SP110: variants seen among roughly 807,000 people sequenced by gnomAD.
SP110 encodes the protein interferon-induced protein 41, 30kD.
SP110 carries 62 observed loss-of-function variants against 92.7 expected under a neutral mutation model. The ratio of observed to expected loss-of-function variants is 0.67; its 90% CI spans 0.55 to 0.83. SP110 has a LOEUF of 0.83. Among genes scored for constraint, SP110 ranks in the 40% least tolerant of loss-of-function variants. SP110 has a pLI of 0.00. For missense variants in SP110, 793 were observed against 863.9 expected (o/e 0.92, Z 1.03); for synonymous variants, 273 against 305.3 (o/e 0.89, Z 1.10).
At chr2:230,172,264 A>G in intron 15 of SP110, 90 bp from the exon 16 acceptor site, 1 of 870,192 alleles carries the variant, frequency 1.1e-6, no homozygotes, top group Non-Finnish European at 2.0e-6. Context: ...CTCAGGAAGG[A>G]TGGGCTCAGC....
intron 10 of SP110, among the ~76,000 whole-genome samples, chr2:230,197,565 A>G (rs1448717636): frequency 6.1e-5 from 9 of 147,916 alleles, no homozygotes; most frequent in African/African-American, 2.2e-4. Context: ...CCATTTGTCA[A>G]TTTTGTCTTT....
rs753387141 is a variant in SP110, at chr2:230,167,272, GATTTT to G, written c.*1847_*1851del. 2 of 84,268 alleles carry G rather than the reference GATTTT, an allele frequency of 2.4e-5. No homozygotes were observed. The highest frequency in any genetic ancestry group is 8.8e-5 in the African/African-American group (2 of 22,736). The allele number at this position is 84,268 out of a possible 1,614,324, so 5.2% of individuals were successfully genotyped here. ...GCCACCTTGCCCAGCTAATTAAAAA[GATTTT>G]TTTTTTTTTTTTTTTGTAGAGATGA... is the stretch of plus-strand genomic sequence containing the variant. On this transcript the variant is annotated 3_prime_UTR_variant, in exon 19 of 19. Transcript: ENST00000258381.
At chr2:230,221,716 C>CCCCATCACCTGGAAAGCCCCTT (rs2045837999), upstream of SP110, 1 of 1,536,038 alleles carries the variant, frequency 6.5e-7, no homozygotes, top group African/African-American at 1.4e-5. Context: ...TGAAGCCCCT[C>CCCCATCACCTGGAAAGCCCCTT]CCCATCACCT....
chr2:230,216,527 G>C (rs200101397), intron 2 of SP110, among the ~76,000 whole-genome samples: 1 of 152,166 alleles, frequency 6.6e-6, no homozygotes, highest in South Asian at 2.1e-4. Flanking sequence ...CTCCACACCT[G>C]AGAGAATATA....
intron 14 of SP110, 145 bp from the exon 15 acceptor site, chr2:230,173,104 C>T (rs1345407882): frequency 1.5e-6 from 1 of 666,180 alleles, no homozygotes; most frequent in East Asian, 2.9e-5. Flanking sequence ...GATGCCACCT[C>T]CCTGGGGGAA....
At chr2:230,188,351 C>G (rs1415046207) in intron 10 of SP110, among the ~76,000 whole-genome samples, 1 of 152,112 alleles carries the variant, frequency 6.6e-6, no homozygotes, top group African/African-American at 2.4e-5. Flanking sequence ...TAACCTGAGA[C>G]TTTACTGGAT....
rs928883542 is a variant in SP110, at chr2:230,209,030, A to T, written c.829+901T>A. 3.9e-5 allele frequency among the ~76,000 whole-genome samples: 6 copies of T among 152,352 alleles called. No individual in the cohort carries two copies. In the South Asian group the frequency reaches 1.2e-3, roughly 32 times the overall value. The stretch of plus-strand genomic sequence containing the variant: ...AGGTTGAAGGACAACTTCAGAGGAA[A>T]CAACAAATAAATAAGCACAGAAAAA... On this transcript the variant is annotated intron_variant, in intron 7 of 18. Coordinates refer to ENST00000258381, the MANE Select transcript of SP110 (RefSeq NM_080424.4).
intron 12 of SP110, among the ~76,000 whole-genome samples, chr2:230,181,334 G>C (rs1258014259): frequency 6.6e-6 from 1 of 152,194 alleles, no homozygotes; most frequent in Middle Eastern, 3.2e-3. Context: ...GTGAGGCATG[G>C]GGAGCTGGAC....
In SP110 at chr2:230,168,135, AAAAAGT is replaced by A. The variant is rs1315268476; in HGVS notation, c.*983_*988del. 6.7e-5 allele frequency: 10 copies of A among 150,166 alleles called. No homozygotes were observed. The highest frequency in any genetic ancestry group is 2.0e-4 in the African/African-American group (8 of 40,978). The allele number at this position is 150,166 out of a possible 1,614,324, so 9.3% of individuals were successfully genotyped here. A position where few individuals can be genotyped will look rare whatever the true frequency, so the allele number is the denominator to read the frequency against. The stretch of plus-strand genomic sequence containing the variant: ...AAAAAAAAAAAAAAAAAAAAAAAAG[AAAAAGT>A]GGGCAACTCAAGCATCAATAAAGGT... On this transcript the variant is annotated 3_prime_UTR_variant, in exon 19 of 19. Transcript: ENST00000258381.
upstream of SP110, among the ~76,000 whole-genome samples, chr2:230,221,116 A>C (rs1220531639): frequency 6.6e-6 from 1 of 151,970 alleles, no homozygotes; most frequent in African/African-American, 2.4e-5. Context: ...CCCCATCTCT[A>C]CTAAAAATAC....
intron 10 of SP110, among the ~76,000 whole-genome samples, chr2:230,189,129 A>G (rs1484901921): frequency 6.6e-6 from 1 of 151,696 alleles, no homozygotes; most frequent in Non-Finnish European, 1.5e-5. Flanking sequence ...TGTTCTATCA[A>G]TTTTGTTTAT....
chr2:230,186,044 A>C lies in SP110; in HGVS notation c.1229T>G (p.Met410Arg), dbSNP rs745495326. Residue 410 changes from methionine (M) to arginine (R), a missense_variant, in exon 11 of 19, where the codon ATG (methionine) becomes AGG (arginine). By Grantham distance (91) the Met-to-Arg change is moderately conservative. Transcript: ENST00000258381. ...DDSTWNSEVMMRVQKARTKCA... is the reference protein window; with the variant it reads ...DDSTWNSEVMRRVQKARTKCA... ...TTTAGTTCTTGCCTTTTGGACCCTC[A>C]TCATGACCTCTGAGTTCCAGGTTGA... 2 of 1,613,962 alleles carry C rather than the reference A, an allele frequency of 1.2e-6. No individual in the cohort carries two copies. The highest frequency in any genetic ancestry group is 1.1e-5 in the South Asian group (1 of 91,082).
At chr2:230,185,637 A>G (rs1032328263) in intron 11 of SP110, among the ~76,000 whole-genome samples, 10 of 152,202 alleles carry the variant, frequency 6.6e-5, no homozygotes, top group African/African-American at 2.4e-4. Context: ...CAATCCTGCA[A>G]ATGTGTCCAC....
intron 1 of SP110, 76 bp downstream of exon 1, chr2:230,219,798 G>A: frequency 2.2e-6 from 1 of 447,052 alleles, no homozygotes; most frequent in South Asian, 9.4e-5. Context: ...CCACCCTGCA[G>A]CTGCTGCCGC....
At chr2:230,198,142 C>T (rs2042965303) in intron 10 of SP110, among the ~76,000 whole-genome samples, 1 of 152,224 alleles carries the variant, frequency 6.6e-6, no homozygotes, top group Non-Finnish European at 1.5e-5. Flanking sequence ...TCTGTAGGGC[C>T]CTCCAGGGCT....
chr2:230,212,253 C>T, intron 5 of SP110, 94 bp downstream of exon 5: 1 of 925,802 alleles, frequency 1.1e-6, no homozygotes, highest in Non-Finnish European at 1.8e-6. Context: ...GTTCTTTTTC[C>T]CAGGGTTCCC....
At chr2:230,215,249 T>C (rs2044980541) in intron 2 of SP110, 131 bp from the exon 3 acceptor site, 2 of 747,298 alleles carry the variant, frequency 2.7e-6, no homozygotes, top group Admixed American at 5.1e-5. Context: ...AAATATATAG[T>C]CACATTCTCT....
intron 4 of SP110, 46 bp downstream of exon 4, chr2:230,212,715 C>T (rs759640629): frequency 1.2e-6 from 2 of 1,611,976 alleles, no homozygotes; most frequent in African/African-American, 1.3e-5. Context: ...GGCACAGGCA[C>T]CTTAGGCTGA....
intron 1 of SP110, among the ~76,000 whole-genome samples, chr2:230,225,222 C>T (rs960128764): frequency 2.6e-5 from 4 of 152,200 alleles, no homozygotes; most frequent in African/African-American, 7.2e-5. Context: ...AATTGCACCT[C>T]ATTTCTCTGC....
Sources: gnomAD v4.1 joint callset for allele counts (sites outside exome capture counted in the v4.1 genomes callset) on GRCh38, gnomAD v4.1.1 for gene constraint, MANE v1.5 for transcripts, NCBI Gene and HGNC (gene_info 2026-07-23, HGNC 2026-07-21) for gene names.